The following KCNK6 variants were observed in gnomAD, a reference collection of about 807,000 sequenced individuals.
KCNK6 encodes the protein potassium channel subfamily K member 6.
A neutral mutation model predicts 21.9 loss-of-function variants in KCNK6; 20 were observed. The observed-to-expected ratio is 0.91, with a 90% confidence interval of 0.64 to 1.32. The LOEUF (loss-of-function observed/expected upper bound fraction) is 1.32, where lower values mean the gene tolerates loss of function less well. Ranked by LOEUF, KCNK6 falls within the 40% of genes most tolerant of loss-of-function variation. KCNK6 has a pLI of 0.00. For synonymous variants in KCNK6, 210 were observed against 218.0 expected (o/e 0.96, Z 0.32); for missense variants, 415 against 433.1 (o/e 0.96, Z 0.37).
Position 38,327,206 on chromosome 19 carries a change from A to ATGGTGC in KCNK6, c.754_759dup (p.Val252_Leu253dup). 1 of 1,613,098 alleles carries ATGGTGC rather than the reference A, an allele frequency of 6.2e-7. No individual in the cohort carries two copies. The highest frequency in any genetic ancestry group is 8.5e-7 in the Non-Finnish European group (1 of 1,180,024). On this transcript the variant is annotated inframe_insertion, in exon 3 of 3. Transcript: ENST00000263372. ...CTACCTCTTCCTGGGCCTGGTGGCC[A>ATGGTGC]TGGTGCTGGTGCTGCAGACCTTCCG... is the stretch of plus-strand genomic sequence containing the variant.
Position 38,319,973 on chromosome 19 carries a change from C to A in KCNK6, c.23C>A (p.Ala8Glu), listed in dbSNP as rs777638632. ...GCCATGCGGAGGGGCGCGCTTCTGG[C>A]GGGCGCCTTGGCCGCGTACGCCGCG... MRRGALL[A>E]GALAAYAAYL... Residue 8 changes from alanine (A) to glutamate (E), a missense_variant, in exon 1 of 3, where the codon GCG (alanine) becomes GAG (glutamate). Ala to Glu is a moderately radical substitution (Grantham distance 107). Coordinates refer to ENST00000263372, the MANE Select transcript of KCNK6 (RefSeq NM_004823.3). 4.1e-6 allele frequency: 6 copies of A among 1,463,386 alleles called. No homozygotes were observed. The South Asian group carries it at 8.1e-5, about 20-fold the overall frequency. The allele number at this position is 1,463,386 out of a possible 1,614,324, so 90.7% of individuals were successfully genotyped here.
At position 38,327,543 on chromosome 19, in the gene KCNK6, C is replaced by T; in HGVS notation, c.*140C>T. 1 of 771,504 alleles carries T rather than the reference C, an allele frequency of 1.3e-6. No homozygotes were observed. Among genetic ancestry groups the T allele is most frequent in the Non-Finnish European group, 2.1e-6 (1 of 485,228 alleles). The allele number at this position is 771,504 out of a possible 1,614,324, so 47.8% of individuals were successfully genotyped here. A position where few individuals can be genotyped will look rare whatever the true frequency, so the allele number is the denominator to read the frequency against. On this transcript the variant is annotated 3_prime_UTR_variant, in exon 3 of 3. Transcript: ENST00000263372. ...GCCGTCCACCGTCTCTCCTTTGTTT[C>T]CCAGCATCTGGCTGGGATGTGAAGG...
Position 38,328,921 on chromosome 19 carries a change from GGAAA to G in KCNK6, c.*1519_*1522del, listed in dbSNP as rs1969743491. The G allele has an allele frequency of 9.1e-6, 1 of 109,776 alleles. No homozygotes were observed. The highest frequency in any genetic ancestry group is 2.0e-5 in the Non-Finnish European group (1 of 49,022). The allele number at this position is 109,776 out of a possible 1,614,324, so 6.8% of individuals were successfully genotyped here. On this transcript the variant is annotated 3_prime_UTR_variant, in exon 3 of 3. Coordinates refer to ENST00000263372, the MANE Select transcript of KCNK6 (RefSeq NM_004823.3). ...GAAAGGGAAAGATGGAAGGAAGGAA[GGAAA>G]AAGAAAGAGAAAGAGAGAGAGAGAG...
chr19:38,324,331 A>G (rs2145040600), intron 1 of KCNK6, among the ~76,000 whole-genome samples: 1 of 152,272 alleles, frequency 6.6e-6, no homozygotes, highest in African/African-American at 2.4e-5. Flanking sequence ...TAAGTGATAC[A>G]CCTCAAATTA....
Position 38,320,153 on chromosome 19 carries a change from C to A in KCNK6, c.203C>A (p.Ala68Glu), listed in dbSNP as rs1483036477. Residue 68 changes from alanine (A) to glutamate (E), a missense_variant, in exon 1 of 3, where the codon GCG (alanine) becomes GAG (glutamate). By Grantham distance (107) the Ala-to-Glu change is moderately radical. Coordinates refer to ENST00000263372, the MANE Select transcript of KCNK6 (RefSeq NM_004823.3). Reference protein sequence around the residue: ...ALDAFVERVLAAGRLGRVVLA... With the variant: ...ALDAFVERVLEAGRLGRVVLA... ...GACGCCTTCGTGGAGCGAGTGCTGG[C>A]GGCCGGACGGCTGGGGCGGGTCGTG... The A allele has an allele frequency of 1.9e-6, 3 of 1,595,498 alleles. No homozygotes were observed. The highest frequency in any genetic ancestry group is 1.7e-5 in the Admixed American group (1 of 59,434).
rs756886643 is a variant in KCNK6 at position 38,326,705 on chromosome 19, G to A, written c.435G>A (p.Leu145=). ...TGCTGACCGCCTCAGCCCAGCGCCT[G>A]TCACTGCTGCTGACTCACGTGCCCC... ...MLLLTASAQR[L]SLLLTHVPLS... is the part of the protein sequence containing the mutation. Residue 145 remains leucine (L), a synonymous_variant, in exon 2 of 3, where the codon CTG becomes CTA. Coordinates refer to ENST00000263372, the MANE Select transcript of KCNK6 (RefSeq NM_004823.3). 1.2e-6 allele frequency: 2 copies of A among 1,605,406 alleles called. No homozygotes were observed. Among genetic ancestry groups the A allele is most frequent in the East Asian group, 2.2e-5 (1 of 44,884 alleles).
chr19:38,322,115 C>T (rs1475926377), intron 1 of KCNK6, among the ~76,000 whole-genome samples: 3 of 152,310 alleles, frequency 2.0e-5, no homozygotes, highest in South Asian at 2.1e-4. Context: ...CCATGGAAAC[C>T]GAAGCCTAGA....
At chr19:38,323,395 C>T (rs1969674075) in intron 1 of KCNK6, among the ~76,000 whole-genome samples, 1 of 152,182 alleles carries the variant, frequency 6.6e-6, no homozygotes. Flanking sequence ...CAATGCCCCT[C>T]GTTTGGTCAT....
At chr19:38,325,647 A>AC in intron 1 of KCNK6, 1 of 591,244 alleles carries the variant, frequency 1.7e-6, no homozygotes, top group Non-Finnish European at 2.1e-6. Context: ...AGAGGATGTT[A>AC]CCATTTAGGG....
chr19:38,320,762 T>C (rs974777352), intron 1 of KCNK6, among the ~76,000 whole-genome samples: 1 of 152,114 alleles, frequency 6.6e-6, no homozygotes, highest in Non-Finnish European at 1.5e-5. Flanking sequence ...TTTCACCATG[T>C]TGGCCAGGCT....
Position 38,320,086 on chromosome 19 carries a change from C to G in KCNK6, c.136C>G (p.Gln46Glu), listed in dbSNP as rs1208245487. 11 of 1,539,154 alleles carry G rather than the reference C, an allele frequency of 7.1e-6. No homozygotes were observed. Among genetic ancestry groups the G allele is most frequent in the Middle Eastern group, 1.9e-4 (1 of 5,196 alleles). ...AGCCGAGCTGGAGACGCTGCGGGCG[C>G]AGCTGCTTCAGCGCAGCCCGTGTGT... ...LRAELETLRA[Q>E]LLQRSPCVAA... Residue 46 changes from glutamine to glutamate, a missense_variant, in exon 1 of 3, where the codon CAG (glutamine) becomes GAG (glutamate). Transcript: ENST00000263372.
chr19:38,320,370 C>T lies in KCNK6; in HGVS notation c.322+98C>T, dbSNP rs938401283. ...GGGGCCCTCACGAATACCCTTATCC[C>T]AATCCCCTCTGGGCTTCGGATCCCC... On this transcript the variant is annotated intron_variant, in intron 1 of 2. Transcript: ENST00000263372. 2.3e-6 allele frequency: 3 copies of T among 1,289,228 alleles called. No homozygotes were observed. In the African/African-American group the frequency reaches 4.5e-5, roughly 19 times the overall value. 79.9% of individuals were successfully genotyped at this position (1,289,228 alleles called of 1,614,324 possible).
chr19:38,322,067 T>C (rs1969657793), intron 1 of KCNK6, among the ~76,000 whole-genome samples: 1 of 152,222 alleles, frequency 6.6e-6, no homozygotes. Context: ...CACAACAGCC[T>C]TGTGAGGCAG....
chr19:38,325,319 A>T, intron 1 of KCNK6: 1 of 776,562 alleles, frequency 1.3e-6, no homozygotes, highest in Non-Finnish European at 1.6e-6. Flanking sequence ...GTTTCACCAT[A>T]TTGGTCAGGC....
In KCNK6 at chr19:38,320,077, C is replaced by A; in HGVS notation, c.127C>A (p.Leu43Met). The A allele has an allele frequency of 1.3e-6, 2 of 1,530,714 alleles. No individual in the cohort carries two copies. The highest frequency in any genetic ancestry group is 1.4e-5 in the African/African-American group (1 of 71,458). 94.8% of individuals were successfully genotyped at this position (1,530,714 alleles called of 1,614,324 possible). Reference protein sequence around the residue: ...EARLRAELETLRAQLLQRSPC... With the variant: ...EARLRAELETMRAQLLQRSPC... ...CAGGCTCCGAGCCGAGCTGGAGACG[C>A]TGCGGGCGCAGCTGCTTCAGCGCAG... The change falls in exon 1 of 3, where the codon CTG (leucine) becomes ATG (methionine). Residue 43 changes from leucine (L) to methionine (M), a missense_variant. By Grantham distance (15) the Leu-to-Met change is conservative. Coordinates refer to ENST00000263372, the MANE Select transcript of KCNK6 (RefSeq NM_004823.3).
chr19:38,327,335 C>T lies in KCNK6; in HGVS notation c.874C>T (p.Pro292Ser), dbSNP rs776991765. ...GGACGATCGGGTGGACATCCTGGGC[C>T]CCCAGCCGGAGTCGCACCAGCAACT... ...DEDDRVDILG[P>S]QPESHQQLSA... The change falls in exon 3 of 3, where the codon CCC becomes TCC. Residue 292 changes from proline to serine, a missense_variant. By Grantham distance (74) the Pro-to-Ser change is moderately conservative. Coordinates refer to ENST00000263372, the MANE Select transcript of KCNK6 (RefSeq NM_004823.3). 4.3e-6 allele frequency: 7 copies of T among 1,612,930 alleles called. No homozygotes were observed. The East Asian group carries it at 6.7e-5, about 15-fold the overall frequency.
chr19:38,323,212 C>A (rs1175855302), intron 1 of KCNK6, among the ~76,000 whole-genome samples: 1 of 152,212 alleles, frequency 6.6e-6, no homozygotes, highest in Non-Finnish European at 1.5e-5. Context: ...TACTTAAGGA[C>A]TCAGGAGTCA....
chr19:38,322,806 C>T (rs1969665726), intron 1 of KCNK6, among the ~76,000 whole-genome samples: 1 of 150,190 alleles, frequency 6.7e-6, no homozygotes, highest in Non-Finnish European at 1.5e-5. Flanking sequence ...CAGAGTGAGA[C>T]TCCATCTCAA....
In KCNK6 at chr19:38,328,733, G is replaced by C. The variant is rs1422380607; in HGVS notation, c.*1330G>C. On this transcript the variant is annotated 3_prime_UTR_variant, in exon 3 of 3. Coordinates refer to ENST00000263372, the MANE Select transcript of KCNK6 (RefSeq NM_004823.3). Reference sequence around the variant, plus strand: ...GTGGTGGTGCATGCCTGTGATCCTGGCTACTTCAGAGGCTGAGGTGGAAGG... The same window carrying C: ...GTGGTGGTGCATGCCTGTGATCCTGCCTACTTCAGAGGCTGAGGTGGAAGG... 1 of 152,138 alleles carries C rather than the reference G, an allele frequency of 6.6e-6. No individual in the cohort carries two copies. The highest frequency in any genetic ancestry group is 2.4e-5 in the African/African-American group (1 of 41,386). 9.4% of individuals were successfully genotyped at this position (152,138 alleles called of 1,614,324 possible). A position where few individuals can be genotyped will look rare whatever the true frequency, so the allele number is the denominator to read the frequency against.
Sources: allele counts gnomAD v4.1 joint callset (sites outside exome capture counted in the v4.1 genomes callset), GRCh38; gene constraint gnomAD v4.1.1; transcripts MANE v1.5; gene names NCBI Gene and HGNC (gene_info 2026-07-23, HGNC 2026-07-21).